Variants in GREB1 observed in about 807,000 individuals in gnomAD.
GREB1 encodes the protein growth regulating estrogen receptor binding 1, also known as protein GREB1.
In GREB1, 106 loss-of-function variants were observed where a neutral mutation model predicts 200.7. The observed-to-expected ratio is 0.53, with a 90% CI of 0.45 to 0.62. GREB1 has a LOEUF of 0.62. Among genes scored for constraint, GREB1 ranks in the 20% least tolerant of loss-of-function variants. The pLI, the probability that GREB1 is intolerant of heterozygous loss-of-function variation, is 0.00. For synonymous variants in GREB1, 1,132 were observed against 1,092.4 expected, an observed-to-expected ratio of 1.04 and a Z score of -0.72; for missense variants, 2,243 against 2,556.8, an observed-to-expected ratio of 0.88 and a Z score of 2.65.
chr2:11,601,201 C>T (rs537800450), intron 16 of GREB1, among the ~76,000 whole-genome samples: 21 of 152,310 alleles, frequency 1.4e-4, no homozygotes, highest in African/African-American at 3.6e-4. Context: ...TTCCTCATCT[C>T]GGAAGATGTA....
chr2:11,491,653 C>T (rs537927597), intron 1 of GREB1, among the ~76,000 whole-genome samples: 1 of 152,268 alleles, frequency 6.6e-6, no homozygotes, highest in East Asian at 1.9e-4. Flanking sequence ...CCAGAATTTT[C>T]GTAAGACTGA....
At chr2:11,565,677 A>T (rs539892176) in intron 3 of GREB1, among the ~76,000 whole-genome samples, 2 of 152,282 alleles carry the variant, frequency 1.3e-5, no homozygotes, top group East Asian at 3.9e-4. Flanking sequence ...CCAACACGCA[A>T]AAGGTTCTGA....
chr2:11,618,963 G>C, intron 22 of GREB1, 44 bp downstream of exon 22: 2 of 1,435,724 alleles, frequency 1.4e-6, no homozygotes, highest in South Asian at 1.4e-5. Context: ...GACTGGGGGG[G>C]TCCTCACACT....
intron 23 of GREB1, among the ~76,000 whole-genome samples, chr2:11,621,601 T>G (rs1684021221): frequency 6.6e-6 from 1 of 152,218 alleles, no homozygotes; most frequent in African/African-American, 2.4e-5. Flanking sequence ...TGTTTCCTCC[T>G]CATCCCTCCT....
chr2:11,528,665 T>G (rs1294252922), intron 1 of GREB1, among the ~76,000 whole-genome samples: 1 of 152,216 alleles, frequency 6.6e-6, no homozygotes. Flanking sequence ...CAAGTTATGC[T>G]TCATCTGTAA....
At chr2:11,561,076 G>A (rs1359212165) in intron 2 of GREB1, 1 of 152,262 alleles carries the variant, frequency 6.6e-6, no homozygotes, top group Admixed American at 6.5e-5. Context: ...TCCCTGTAGT[G>A]ACAGAGTGTG....
intron 10 of GREB1, chr2:11,591,487 C>T (rs530991116): frequency 4.3e-5 from 31 of 714,364 alleles, no homozygotes; most frequent in South Asian, 4.3e-4. Context: ...TATTCAGTCT[C>T]ACTCATCATC....
chr2:11,525,496 CAA>C (rs764748651), intron 1 of GREB1, among the ~76,000 whole-genome samples: 22 of 50,078 alleles, frequency 4.4e-4, no homozygotes, highest in African/African-American at 8.1e-4. Flanking sequence ...GACTCCATCT[CAA>C]AAAAAAAAAA....
chr2:11,585,584 G>A (rs1679998129), intron 8 of GREB1, among the ~76,000 whole-genome samples, 178 bp from the exon 9 acceptor site: 1 of 152,252 alleles, frequency 6.6e-6, no homozygotes, highest in Non-Finnish European at 1.5e-5. Flanking sequence ...GGAAGGATGG[G>A]CGGAATGAAC....
chr2:11,507,721 G>C (rs1284616419), intron 1 of GREB1, among the ~76,000 whole-genome samples: 1 of 152,186 alleles, frequency 6.6e-6, no homozygotes, highest in Admixed American at 6.5e-5. Context: ...GAGGCTCTGG[G>C]TGGAGCTGGT....
chr2:11,495,908 T>C (rs897974859), intron 1 of GREB1, among the ~76,000 whole-genome samples: 1 of 151,268 alleles, frequency 6.6e-6, no homozygotes, highest in Non-Finnish European at 1.5e-5. Context: ...TGCGTGGCGC[T>C]CCTCTTCTGT....
intron 2 of GREB1, among the ~76,000 whole-genome samples, chr2:11,559,402 T>C (rs1034069060): frequency 1.3e-5 from 2 of 152,206 alleles, no homozygotes; most frequent in African/African-American, 4.8e-5. Flanking sequence ...CCTGCTTTCT[T>C]ACTGACTGGA....
intron 13 of GREB1, among the ~76,000 whole-genome samples, chr2:11,596,804 CA>C (rs1681297426): frequency 1.2e-5 from 1 of 81,128 alleles, no homozygotes; most frequent in Non-Finnish European, 2.3e-5. Flanking sequence ...TGTAAAGTGA[CA>C]GGGGGCAGGA....
chr2:11,500,321 C>T (rs1222009299), intron 1 of GREB1, among the ~76,000 whole-genome samples: 1 of 152,198 alleles, frequency 6.6e-6, no homozygotes, highest in Non-Finnish European at 1.5e-5. Flanking sequence ...GCCACTACGC[C>T]TGGCTAATTT....
chr2:11,517,843 CG>C (rs1558496753), intron 1 of GREB1, among the ~76,000 whole-genome samples: 1 of 152,010 alleles, frequency 6.6e-6, no homozygotes, highest in Non-Finnish European at 1.5e-5. Context: ...TTAGTAGAGA[CG>C]GGGTTTCACC....
At chr2:11,527,827 C>A (rs560854731) in intron 1 of GREB1, among the ~76,000 whole-genome samples, 4 of 152,170 alleles carry the variant, frequency 2.6e-5, no homozygotes, top group Non-Finnish European at 5.9e-5. Flanking sequence ...CCTGGGAGGG[C>A]GCCACACTTG....
chr2:11,545,283 G>A (rs917456346), intron 1 of GREB1, among the ~76,000 whole-genome samples: 2 of 151,682 alleles, frequency 1.3e-5, no homozygotes, highest in South Asian at 2.1e-4. Context: ...ACAGGCACCC[G>A]CCACCTCACC....
At chr2:11,490,814 G>A (rs1672760279) in intron 1 of GREB1, among the ~76,000 whole-genome samples, 1 of 152,206 alleles carries the variant, frequency 6.6e-6, no homozygotes, top group African/African-American at 2.4e-5. Context: ...CTCCCAAAGT[G>A]TTGGGATTAC....
rs1191714237 is a variant in GREB1 at position 11,484,603 on chromosome 2, AAAAAAG to A, written c.-159+2226_-159+2231del. ...CATCTCTTAAAAAACAAAAAAAAAA[AAAAAAG>A]AAAGAAAGAAAAAGAAAGAAAAAAA... is the stretch of plus-strand genomic sequence containing the variant. On this transcript the variant is annotated intron_variant, in intron 1 of 2. Coordinates refer to the GREB1 transcript ENST00000628795. Among the ~76,000 whole-genome samples, 693 of 142,666 alleles carry A rather than the reference AAAAAAG, an allele frequency of 4.9e-3. 13 individuals carry two copies. Among genetic ancestry groups the A allele is most frequent in the African/African-American group, 0.017 (654 of 39,138 alleles). 93.6% of individuals were successfully genotyped at this position (142,666 alleles called of 152,430 possible). A position where few individuals can be genotyped will look rare whatever the true frequency, so the allele number is the denominator to read the frequency against.
Sources: allele counts gnomAD v4.1 joint callset (sites outside exome capture counted in the v4.1 genomes callset), GRCh38; gene constraint gnomAD v4.1.1; transcripts MANE v1.5; gene names NCBI Gene and HGNC (gene_info 2026-07-23, HGNC 2026-07-21).